PIK3CA: variants seen among roughly 807,000 people sequenced by gnomAD.
PIK3CA encodes the protein phosphatidylinositol 4,5-bisphosphate 3-kinase catalytic subunit alpha isoform.
PIK3CA carries 27 observed loss-of-function variants against 138.2 expected under a neutral mutation model. The ratio of observed to expected loss-of-function variants is 0.20; its 90% CI spans 0.14 to 0.27. The LOEUF is 0.27. PIK3CA is among the 10% of genes least tolerant of loss of function. The probability of loss-of-function intolerance (pLI) is 1.00; values close to 1 mark genes in which losing one functional copy is unlikely to be tolerated. For synonymous variants in PIK3CA, 358 were observed against 413.2 expected (o/e 0.87, Z 1.62); for missense variants, 544 against 1,277.4 (o/e 0.43, Z 8.75).
intron 1 of PIK3CA, among the ~76,000 whole-genome samples, chr3:179,186,897 T>G (rs1723995400): frequency 6.6e-6 from 1 of 152,322 alleles, no homozygotes; most frequent in Non-Finnish European, 1.5e-5. Context: ...GGCAACCAGG[T>G]GCATAGACTT....
chr3:179,177,542 A>G (rs955889218), intron 1 of PIK3CA, among the ~76,000 whole-genome samples: 2 of 151,898 alleles, frequency 1.3e-5, no homozygotes, highest in Admixed American at 6.6e-5. Context: ...CAAACTCCTG[A>G]TCTCAGGTGA....
At chr3:179,204,428 A>G (rs567687877) in intron 5 of PIK3CA, 75 bp from the exon 6 acceptor site, 3 of 671,320 alleles carry the variant, frequency 4.5e-6, no homozygotes, top group South Asian at 4.3e-5. Flanking sequence ...GTGGTTTTAT[A>G]TTTGAGTCTA....
chr3:179,204,607 T>G lies in PIK3CA; in HGVS notation c.1145+19T>G. 2 of 1,217,172 alleles carry G rather than the reference T, an allele frequency of 1.6e-6. No individual in the cohort carries two copies. Among genetic ancestry groups the G allele is most frequent in the Non-Finnish European group, 2.4e-6 (2 of 820,414 alleles). 75.4% of individuals were successfully genotyped at this position (1,217,172 alleles called of 1,614,324 possible). On this transcript the variant is annotated intron_variant, in intron 6 of 20. Coordinates refer to ENST00000263967, the MANE Select transcript of PIK3CA (RefSeq NM_006218.4). ...ATCCCAGGTAAGGAAGTATATAGAT[T>G]TATATTTCCAAAGGTTATATTAGTG...
intron 1 of PIK3CA, among the ~76,000 whole-genome samples, chr3:179,157,433 A>G (rs1723166041): frequency 1.3e-5 from 2 of 152,164 alleles, no homozygotes; most frequent in South Asian, 2.1e-4. Flanking sequence ...TTTACAGTGT[A>G]GAGACTTTTC....
intron 1 of PIK3CA, among the ~76,000 whole-genome samples, chr3:179,151,080 G>A (rs1283649882): frequency 6.6e-6 from 1 of 152,170 alleles, no homozygotes; most frequent in Non-Finnish European, 1.5e-5. Flanking sequence ...TTCATCTCCA[G>A]TGAAAGTATT....
At chr3:179,169,920 A>G (rs1723508968) in intron 1 of PIK3CA, among the ~76,000 whole-genome samples, 1 of 152,264 alleles carries the variant, frequency 6.6e-6, no homozygotes, top group African/African-American at 2.4e-5. Flanking sequence ...CACACATACC[A>G]TAGCCAAATG....
intron 9 of PIK3CA, among the ~76,000 whole-genome samples, chr3:179,216,243 A>G (rs972368063): frequency 1.2e-4 from 18 of 152,228 alleles, no homozygotes; most frequent in African/African-American, 2.4e-5. Flanking sequence ...AGGAAATTTG[A>G]TAGTATTTCT....
chr3:179,188,208 T>G (rs1724040763), intron 1 of PIK3CA, among the ~76,000 whole-genome samples: 1 of 152,222 alleles, frequency 6.6e-6, no homozygotes, highest in African/African-American at 2.4e-5. Flanking sequence ...CCATAATGTT[T>G]CCAGGTTCCT....
chr3:179,167,748 A>T (rs1723455696), intron 1 of PIK3CA, among the ~76,000 whole-genome samples: 1 of 152,144 alleles, frequency 6.6e-6, no homozygotes, highest in Non-Finnish European at 1.5e-5. Flanking sequence ...CGCAATGAAT[A>T]TTCTTTGCAT....
Position 179,210,461 on chromosome 3 carries a change from T to A in PIK3CA, c.1435T>A (p.Trp479Arg), listed in dbSNP as rs1443881743. The change falls in exon 9 of 21, where the codon TGG (tryptophan) becomes AGG (arginine). Residue 479 changes from tryptophan to arginine, a missense_variant. By Grantham distance (101) the Trp-to-Arg change is moderately radical (BLOSUM62 -3). Around this residue, in one of 14 missense-constraint regions of PIK3CA, gnomAD observed 52 missense variants for 83.4 expected, o/e 0.62. Coordinates refer to ENST00000263967, the MANE Select transcript of PIK3CA (RefSeq NM_006218.4). ...ETPCLELEFD[W>R]FSSVVKFPDM... ...TCCATGCTTAGAGTTGGAGTTTGACTGGTTCAGCAGTGTGGTAAAGTTCCC... is the reference window on the plus strand; with the variant it reads ...TCCATGCTTAGAGTTGGAGTTTGACAGGTTCAGCAGTGTGGTAAAGTTCCC... 3 of 1,613,928 alleles carry A rather than the reference T, an allele frequency of 1.9e-6. No homozygotes were observed. The Admixed American group carries it at 5.0e-5, about 27-fold the overall frequency.
intron 1 of PIK3CA, among the ~76,000 whole-genome samples, chr3:179,177,360 T>G (rs374997792): frequency 1.1e-4 from 16 of 149,342 alleles, no homozygotes; most frequent in African/African-American, 3.9e-4. Flanking sequence ...TCGCCCAGGC[T>G]GGCGTGCAGT....
At chr3:179,204,105 C>A (rs1724494440) in intron 5 of PIK3CA, among the ~76,000 whole-genome samples, 1 of 151,968 alleles carries the variant, frequency 6.6e-6, no homozygotes, top group Admixed American at 6.6e-5. Flanking sequence ...TTTATTAACC[C>A]CACTTAGTAT....
In PIK3CA at chr3:179,235,978, A is replaced by G; in HGVS notation, c.*1614A>G. On this transcript the variant is annotated 3_prime_UTR_variant, in exon 21 of 21. Transcript: ENST00000263967. ...TAGCTTTAGCAGATGTCCAGGTGCC[A>G]CATCAAAAAAGTGCAATAATTATTG... 4.8e-6 allele frequency: 1 copy of G among 209,386 alleles called. No individual in the cohort carries two copies. The highest frequency in any genetic ancestry group is 9.7e-6 in the Non-Finnish European group (1 of 102,946). The allele number at this position is 209,386 out of a possible 1,614,324, so 13.0% of individuals were successfully genotyped here.
intron 1 of PIK3CA, among the ~76,000 whole-genome samples, chr3:179,190,655 G>A (rs568459415): frequency 3.3e-5 from 5 of 151,352 alleles, no homozygotes; most frequent in South Asian, 2.1e-4. Context: ...TCTCTCTCTC[G>A]TTAATGGGTT....
rs138651462 is a variant in PIK3CA at position 179,233,939 on chromosome 3, A to G, written c.2937-155A>G. On this transcript the variant is annotated intron_variant, in intron 20 of 20. Coordinates refer to ENST00000263967, the MANE Select transcript of PIK3CA (RefSeq NM_006218.4). ...TTTACATTCTAGTGGGGTAAAGGGA[A>G]TCAAAAGATGTTGGTAAGAGAAGTG... 3.2e-3 allele frequency among the ~76,000 whole-genome samples: 484 copies of G among 152,282 alleles called. 3 individuals carry two copies. Among genetic ancestry groups the G allele is most frequent in the African/African-American group, 0.011 (458 of 41,576 alleles).
At chr3:179,229,954 C>A (rs201392869) in intron 18 of PIK3CA, 50 bp from the exon 19 acceptor site, 1 of 1,216,184 alleles carries the variant, frequency 8.2e-7, no homozygotes, top group Non-Finnish European at 1.2e-6. Context: ...CTCAAGTTGG[C>A]CTGAATCACT....
chr3:179,189,551 A>T (rs192403285), intron 1 of PIK3CA, among the ~76,000 whole-genome samples: 1 of 152,302 alleles, frequency 6.6e-6, no homozygotes, highest in East Asian at 1.9e-4. Context: ...CCACATTGCT[A>T]TAAATACTAC....
Position 179,230,193 on chromosome 3 carries a change from C to G in PIK3CA, c.2785-32C>G, listed in dbSNP as rs2108424654. On this transcript the variant is annotated intron_variant, in intron 19 of 20. Transcript: ENST00000263967. This position sits in a 1 kb window ranked among gnomAD's most constrained non-coding sequence, Gnocchi z 5.4. ...CAAGACATTTTGTATCTGCATATATCAAACTATAACATAATTTCTTATTTT... is the reference window on the plus strand; with the variant it reads ...CAAGACATTTTGTATCTGCATATATGAAACTATAACATAATTTCTTATTTT... The G allele has an allele frequency of 6.3e-7, 1 of 1,576,798 alleles. No homozygotes were observed. The highest frequency in any genetic ancestry group is 8.7e-7 in the Non-Finnish European group (1 of 1,150,160).
chr3:179,181,474 A>C (rs1020788232), intron 1 of PIK3CA, among the ~76,000 whole-genome samples: 1 of 152,164 alleles, frequency 6.6e-6, no homozygotes, highest in Non-Finnish European at 1.5e-5. Flanking sequence ...CAGTTGTAAC[A>C]AAGAAACCAA....
Sources: gnomAD v4.1 joint callset for allele counts (sites outside exome capture counted in the v4.1 genomes callset) on GRCh38, gnomAD v4.1.1 for gene constraint, gnomAD v4.1.1 regional missense constraint, Gnocchi (gnomAD v3.1) non-coding constraint, MANE v1.5 for transcripts, NCBI Gene and HGNC (gene_info 2026-07-23, HGNC 2026-07-21) for gene names.